The following CSGALNACT1 variants were observed in gnomAD, a reference collection of about 807,000 sequenced individuals.
CSGALNACT1 encodes beta4GalNAcT-1.
Under a neutral mutation model 51.0 loss-of-function variants are expected in CSGALNACT1, and 52 were observed. The ratio of observed to expected loss-of-function variants is 1.02; its 90% CI spans 0.82 to 1.29. The LOEUF (loss-of-function observed/expected upper bound fraction) is 1.29. CSGALNACT1 is among the 50% of genes most tolerant of loss of function. CSGALNACT1 has a pLI of 0.00. For missense variants in CSGALNACT1, 935 were observed against 679.2 expected (o/e 1.38, Z -4.19); for synonymous variants, 341 against 254.4 (o/e 1.34, Z -3.24).
At chr8:19,470,024 T>C (rs1394177873) in intron 4 of CSGALNACT1, among the ~76,000 whole-genome samples, 2 of 152,122 alleles carry the variant, frequency 1.3e-5, no homozygotes, top group Non-Finnish European at 2.9e-5. Flanking sequence ...GAATGTTTTT[T>C]AAAAATATTG....
In CSGALNACT1 at chr8:19,405,676, C is replaced by T. The variant is rs769952079; in HGVS notation, c.*104G>A. 9 of 1,424,058 alleles carry T rather than the reference C, an allele frequency of 6.3e-6. No homozygotes were observed. The South Asian group carries it at 1.0e-4, about 17-fold the overall frequency. The allele number at this position is 1,424,058 out of a possible 1,614,324, so 88.2% of individuals were successfully genotyped here. ...CTTTCTCATCTCTGACCCATCAGTC[C>T]AATTCTTTTGTCGTCCTTTATGGAA... is the stretch of plus-strand genomic sequence containing the variant. On this transcript the variant is annotated 3_prime_UTR_variant, in exon 10 of 10. Coordinates refer to ENST00000454498, the Ensembl canonical transcript of CSGALNACT1.
intron 2 of CSGALNACT1, among the ~76,000 whole-genome samples, chr8:19,596,524 G>C (rs139391022): frequency 4.0e-5 from 6 of 149,204 alleles, no homozygotes; most frequent in African/African-American, 1.5e-4. Flanking sequence ...CTTTGCTGAA[G>C]AAAAACAAGT....
intron 3 of CSGALNACT1, among the ~76,000 whole-genome samples, chr8:19,534,617 A>G (rs1340700725): frequency 1.3e-5 from 2 of 152,166 alleles, no homozygotes; most frequent in African/African-American, 4.8e-5. Context: ...GGAAAATTAA[A>G]TGAAATCCAC....
At chr8:19,658,393 T>G (rs1048479291) in intron 1 of CSGALNACT1, among the ~76,000 whole-genome samples, 2 of 152,172 alleles carry the variant, frequency 1.3e-5, no homozygotes, top group Non-Finnish European at 2.9e-5. Context: ...TTTAACTATG[T>G]TTCAAGATAA....
chr8:19,645,931 G>T (rs887623921), intron 1 of CSGALNACT1, among the ~76,000 whole-genome samples: 4 of 151,990 alleles, frequency 2.6e-5, no homozygotes, highest in Non-Finnish European at 5.9e-5. Flanking sequence ...ATGGGTAAAC[G>T]GTAAAAAGAA....
At chr8:19,606,403 G>C (rs565774416), upstream of CSGALNACT1, among the ~76,000 whole-genome samples, 1 of 152,296 alleles carries the variant, frequency 6.6e-6, no homozygotes, top group East Asian at 1.9e-4. Flanking sequence ...TCTTTCTCAA[G>C]ATATGTCTCA....
intron 3 of CSGALNACT1, among the ~76,000 whole-genome samples, chr8:19,560,889 T>A (rs970949569): frequency 2.6e-5 from 4 of 152,176 alleles, no homozygotes; most frequent in African/African-American, 9.7e-5. Context: ...CCAAAACTGT[T>A]AACAACCCTA....
At chr8:19,657,239 T>TGATAAACTGAAAGATAATAAACTGAAA (rs2058361206) in intron 1 of CSGALNACT1, among the ~76,000 whole-genome samples, 1 of 86,284 alleles carries the variant, frequency 1.2e-5, no homozygotes, top group African/African-American at 4.4e-5. Flanking sequence ...AACTGAAAGA[T>TGATAAACTGAAAGATAATAAACTGAAA]GATAAACTGA....
intron 1 of CSGALNACT1, among the ~76,000 whole-genome samples, chr8:19,747,333 G>C (rs915387151): frequency 6.6e-6 from 1 of 152,052 alleles, no homozygotes; most frequent in Non-Finnish European, 1.5e-5. Context: ...TCTACATACA[G>C]GGTCTAAGGA....
chr8:19,405,170 A>G (rs1055036647), exon 10 of CSGALNACT1: 1 of 447,586 alleles, frequency 2.2e-6, no homozygotes, highest in Admixed American at 2.4e-5. Context: ...ATAAAAGAAA[A>G]AAACGGAGAC....
At chr8:19,529,870 T>A (rs1333063946) in intron 3 of CSGALNACT1, among the ~76,000 whole-genome samples, 1 of 152,208 alleles carries the variant, frequency 6.6e-6, no homozygotes, top group Non-Finnish European at 1.5e-5. Context: ...GCTATGTAAA[T>A]AGCTATTGTA....
At chr8:19,453,847 G>C (rs1321537953) in intron 5 of CSGALNACT1, among the ~76,000 whole-genome samples, 1 of 152,062 alleles carries the variant, frequency 6.6e-6, no homozygotes, top group Non-Finnish European at 1.5e-5. Context: ...GGGAGGCAGA[G>C]GTTGCAGTGA....
In CSGALNACT1 at chr8:19,452,795, C is replaced by T. The variant is rs895192753; in HGVS notation, c.851+5631G>A. ...AACAATTAATTCCCCCTACACCAAG[C>T]GAGCCGGGCAAAACTCACATATCCA... On this transcript the variant is annotated intron_variant, in intron 5 of 9. Transcript: ENST00000454498. Among the ~76,000 whole-genome samples, 9 of 152,038 alleles carry T rather than the reference C, an allele frequency of 5.9e-5. No individual in the cohort carries two copies. In the South Asian group the frequency reaches 8.3e-4, roughly 14 times the overall value.
At chr8:19,720,169 C>A (rs1465972840) in intron 1 of CSGALNACT1, among the ~76,000 whole-genome samples, 1 of 152,214 alleles carries the variant, frequency 6.6e-6, no homozygotes, top group Non-Finnish European at 1.5e-5. Flanking sequence ...CCCTGTCCTT[C>A]TCCTAGCACA....
rs1264292395 is a variant in CSGALNACT1, at chr8:19,506,571, A to G, written c.-296-441T>C. Among the ~76,000 whole-genome samples the G allele has an allele frequency of 2.6e-5, 4 of 152,206 alleles. No homozygotes were observed. In the East Asian group the frequency reaches 7.7e-4, roughly 29 times the overall value. On this transcript the variant is annotated intron_variant, in intron 3 of 9. Coordinates refer to ENST00000454498, the Ensembl canonical transcript of CSGALNACT1. ...TGTCCCCTCCAAGTCTTATGCTGAAATATGATCCCCAGTGTTGGGAGGTGG... is the reference window on the plus strand; with the variant it reads ...TGTCCCCTCCAAGTCTTATGCTGAAGTATGATCCCCAGTGTTGGGAGGTGG...
intron 5 of CSGALNACT1, among the ~76,000 whole-genome samples, chr8:19,446,486 G>A (rs2062137320): frequency 6.6e-6 from 1 of 152,000 alleles, no homozygotes; most frequent in Non-Finnish European, 1.5e-5. Context: ...CCTGAACCTG[G>A]AAGCCTGAAA....
chr8:19,481,083 T>G (rs2071252558), intron 4 of CSGALNACT1, among the ~76,000 whole-genome samples: 1 of 152,226 alleles, frequency 6.6e-6, no homozygotes, highest in South Asian at 2.1e-4. Flanking sequence ...TTTCCAAGTT[T>G]TAAAGGCTGT....
At chr8:19,609,027 C>T (rs979468912) in intron 1 of CSGALNACT1, among the ~76,000 whole-genome samples, 28 of 151,896 alleles carry the variant, frequency 1.8e-4, no homozygotes, top group Non-Finnish European at 2.9e-5. Context: ...GCTCCAACTG[C>T]AAGGGAATTG....
intron 1 of CSGALNACT1, among the ~76,000 whole-genome samples, chr8:19,659,591 C>T (rs1277742544): frequency 6.6e-6 from 1 of 152,230 alleles, no homozygotes; most frequent in East Asian, 1.9e-4. Flanking sequence ...CTGCCTGGAT[C>T]ACATAAGTTA....
Sources: allele counts gnomAD v4.1 joint callset (sites outside exome capture counted in the v4.1 genomes callset), GRCh38; gene constraint gnomAD v4.1.1; transcripts MANE v1.5; gene names NCBI Gene and HGNC (gene_info 2026-07-23, HGNC 2026-07-21).